The following CNTN5 variants were observed in gnomAD, a reference collection of about 807,000 sequenced individuals.
CNTN5 encodes contactin 5.
In CNTN5, 77 loss-of-function variants were observed where a neutral mutation model predicts 129.1. That is an observed-to-expected ratio of 0.60 (90% CI 0.50 to 0.72). The LOEUF (loss-of-function observed/expected upper bound fraction) is 0.72. CNTN5 is among the 30% of genes least tolerant of loss of function. The pLI is 0.00. For synonymous variants in CNTN5, 509 were observed against 465.6 expected (o/e 1.09, Z -1.20); for missense variants, 1,478 against 1,328.8 (o/e 1.11, Z -1.75).
intron 1 of CNTN5, among the ~76,000 whole-genome samples, chr11:99,315,774 T>C (rs536026917): frequency 6.7e-6 from 1 of 148,872 alleles, no homozygotes; most frequent in South Asian, 2.2e-4. Flanking sequence ...AATTAGAAGG[T>C]GACAGGGATT....
At chr11:100,138,844 T>C (rs11222944) in intron 13 of CNTN5, among the ~76,000 whole-genome samples, 33,419 of 152,058 alleles carry the variant, frequency 0.22, 4,733 homozygotes, top group East Asian at 0.55. Flanking sequence ...TAGAATGCTA[T>C]TGTACAAATT....
chr11:99,790,710 A>G (rs1192137076), intron 3 of CNTN5, among the ~76,000 whole-genome samples: 1 of 152,166 alleles, frequency 6.6e-6, no homozygotes, highest in Non-Finnish European at 1.5e-5. Context: ...TCTAGGTCAC[A>G]TGGTAATTCT....
intron 3 of CNTN5, among the ~76,000 whole-genome samples, chr11:99,658,943 A>G (rs1192551763): frequency 6.6e-6 from 1 of 151,232 alleles, no homozygotes; most frequent in East Asian, 1.9e-4. Context: ...TGCCCTGTCT[A>G]GAACCCTCTT....
At chr11:100,061,818 A>G (rs1007204425) in intron 10 of CNTN5, among the ~76,000 whole-genome samples, 1 of 152,228 alleles carries the variant, frequency 6.6e-6, no homozygotes, top group Non-Finnish European at 1.5e-5. Flanking sequence ...ACTTGTTTAC[A>G]TATCACCTGT....
At chr11:99,826,137 A>G (rs980343684) in intron 4 of CNTN5, among the ~76,000 whole-genome samples, 2 of 152,058 alleles carry the variant, frequency 1.3e-5, no homozygotes, top group Admixed American at 6.6e-5. Flanking sequence ...TCTTATTCCT[A>G]TTATTGACTT....
chr11:99,446,776 T>G (rs566954655), intron 2 of CNTN5, among the ~76,000 whole-genome samples: 95 of 152,314 alleles, frequency 6.2e-4, no homozygotes, highest in African/African-American at 2.2e-3. Context: ...CTTAGCTGAC[T>G]TTCCTCCTTA....
intron 16 of CNTN5, among the ~76,000 whole-genome samples, chr11:100,255,187 T>C (rs1211660792): frequency 6.6e-6 from 1 of 152,240 alleles, no homozygotes; most frequent in Admixed American, 6.5e-5. Context: ...ACTTTATGTA[T>C]GTCTCAGGTC....
chr11:99,646,062 A>C (rs940264428), intron 3 of CNTN5, among the ~76,000 whole-genome samples: 1 of 152,184 alleles, frequency 6.6e-6, no homozygotes, highest in Non-Finnish European at 1.5e-5. Context: ...TAGTGCAGTT[A>C]ATTTGTTTTT....
At chr11:99,347,327 C>A (rs942238213) in intron 2 of CNTN5, among the ~76,000 whole-genome samples, 7 of 152,108 alleles carry the variant, frequency 4.6e-5, no homozygotes, top group Non-Finnish European at 8.8e-5. Context: ...AACAATGACA[C>A]AGGGCGTGGG....
At chr11:99,939,183 T>C (rs374445229) in intron 7 of CNTN5, among the ~76,000 whole-genome samples, 2 of 152,210 alleles carry the variant, frequency 1.3e-5, no homozygotes, top group African/African-American at 4.8e-5. Flanking sequence ...ATGTAAGAAA[T>C]TGATTTCTTT....
intron 3 of CNTN5, among the ~76,000 whole-genome samples, chr11:99,677,787 AT>A: frequency 6.6e-6 from 1 of 152,208 alleles, no homozygotes; most frequent in East Asian, 1.9e-4. Context: ...ATGTGTAAAC[AT>A]TTTCGTACTG....
At chr11:99,437,826 A>G (rs1943660999) in intron 2 of CNTN5, among the ~76,000 whole-genome samples, 1 of 152,166 alleles carries the variant, frequency 6.6e-6, no homozygotes, top group Admixed American at 6.5e-5. Flanking sequence ...ACATCTCAAA[A>G]CAAACAAACA....
chr11:99,962,012 A>G (rs1950960227), intron 8 of CNTN5, among the ~76,000 whole-genome samples: 1 of 152,166 alleles, frequency 6.6e-6, no homozygotes, highest in African/African-American at 2.4e-5. Context: ...ACACACACAT[A>G]TATGCAATTC....
intron 13 of CNTN5, among the ~76,000 whole-genome samples, chr11:100,109,971 G>A (rs1330587037): frequency 6.6e-6 from 1 of 151,954 alleles, no homozygotes; most frequent in Non-Finnish European, 1.5e-5. Flanking sequence ...TTGAGTTCAG[G>A]ACTTTAAGAC....
At chr11:99,777,892 C>G (rs1019746755) in intron 3 of CNTN5, among the ~76,000 whole-genome samples, 1 of 151,766 alleles carries the variant, frequency 6.6e-6, no homozygotes, top group African/African-American at 2.4e-5. Context: ...ATATATAATA[C>G]TACATGTGAA....
At chr11:100,039,821 A>C (rs1232059269) in intron 9 of CNTN5, among the ~76,000 whole-genome samples, 1 of 152,144 alleles carries the variant, frequency 6.6e-6, no homozygotes, top group Non-Finnish European at 1.5e-5. Context: ...CAGCTCCATC[A>C]GGTCCTTTAA....
At chr11:99,731,269 G>A (rs1003732335) in intron 3 of CNTN5, among the ~76,000 whole-genome samples, 4 of 127,654 alleles carry the variant, frequency 3.1e-5, no homozygotes, top group Non-Finnish European at 4.8e-5. Flanking sequence ...CACCATGCCT[G>A]GCTAATTTTT....
chr11:100,091,421 ATTCTTTTT>A (rs1305456948), intron 13 of CNTN5, among the ~76,000 whole-genome samples: 1 of 105,598 alleles, frequency 9.5e-6, no homozygotes, highest in Non-Finnish European at 2.0e-5. Flanking sequence ...TTTTTTATTT[ATTCTTTTT>A]TTTTTTTTTT....
intron 3 of CNTN5, among the ~76,000 whole-genome samples, chr11:99,788,270 G>A (rs1216914358): frequency 6.6e-6 from 1 of 151,698 alleles, no homozygotes; most frequent in Admixed American, 6.6e-5. Flanking sequence ...AAGTTTAATT[G>A]CCTCTTATTA....
Sources: allele counts gnomAD v4.1 joint callset (sites outside exome capture counted in the v4.1 genomes callset), GRCh38; gene constraint gnomAD v4.1.1; transcripts MANE v1.5; gene names NCBI Gene and HGNC (gene_info 2026-07-23, HGNC 2026-07-21).